OCA2: variants seen among roughly 807,000 people sequenced by gnomAD.
The protein encoded by OCA2 is P protein.
OCA2 carries 77 observed loss-of-function variants against 100.2 expected under a neutral mutation model. The observed-to-expected ratio is 0.77, with a 90% CI of 0.64 to 0.93. The LOEUF is 0.93. Among genes scored for constraint, OCA2 ranks in the 40% least tolerant of loss-of-function variants. The pLI, the probability that OCA2 is intolerant of heterozygous loss-of-function variation, is 0.00. For synonymous variants in OCA2, 432 were observed against 439.2 expected, an observed-to-expected ratio of 0.98 and a Z score of 0.21; for missense variants, 1,062 against 1,089.1, an observed-to-expected ratio of 0.98 and a Z score of 0.35.
intron 19 of OCA2, among the ~76,000 whole-genome samples, chr15:27,881,302 G>T (rs907855272): frequency 6.6e-6 from 1 of 150,824 alleles, no homozygotes; most frequent in African/African-American, 2.5e-5. Context: ...TTTCATCAGG[G>T]ATATTGGCCT....
intron 6 of OCA2, among the ~76,000 whole-genome samples, chr15:28,019,097 A>G (rs2042502950): frequency 6.6e-6 from 1 of 152,122 alleles, no homozygotes; most frequent in Admixed American, 6.5e-5. Context: ...GTGGGGAAAC[A>G]GTGTTTTCTC....
At chr15:27,935,944 C>G (rs991529631) in intron 18 of OCA2, among the ~76,000 whole-genome samples, 1 of 152,180 alleles carries the variant, frequency 6.6e-6, no homozygotes, top group Non-Finnish European at 1.5e-5. Context: ...CAGGATGCAT[C>G]TCCAGAGAGT....
At chr15:27,841,121 T>G (rs947791033) in intron 23 of OCA2, among the ~76,000 whole-genome samples, 2 of 152,138 alleles carry the variant, frequency 1.3e-5, no homozygotes, top group African/African-American at 4.8e-5. Flanking sequence ...TACCATGGAG[T>G]GCAATGCAAA....
chr15:27,850,516 A>G (rs2035708322), intron 22 of OCA2, among the ~76,000 whole-genome samples: 1 of 151,994 alleles, frequency 6.6e-6, no homozygotes, highest in South Asian at 2.1e-4. Flanking sequence ...TCAGCACTCA[A>G]TTTCAACAAG....
At position 27,942,917 on chromosome 15, in the gene OCA2, G is replaced by C. The variant is rs574716225; in HGVS notation, c.1951+8867C>G. On this transcript the variant is annotated intron_variant, in intron 18 of 23. Transcript: ENST00000354638. ...CTCTTGGATATTTACATTCATCTAA[G>C]ATGAATATTTGATGAAAATTAGAAT... Among the ~76,000 whole-genome samples the C allele has an allele frequency of 5.3e-5, 8 of 152,134 alleles. No individual in the cohort carries two copies. The East Asian group carries it at 1.5e-3, about 29-fold the overall frequency.
At chr15:28,032,033 C>CT in intron 3 of OCA2, 32 bp downstream of exon 3, 3 of 1,549,566 alleles carry the variant, frequency 1.9e-6, no homozygotes, top group Non-Finnish European at 2.7e-6. Context: ...CTCAGAAACT[C>CT]TTACTTTCAT....
intron 19 of OCA2, among the ~76,000 whole-genome samples, chr15:27,924,911 G>C (rs2038990552): frequency 6.6e-6 from 1 of 152,122 alleles, no homozygotes; most frequent in South Asian, 2.1e-4. Context: ...GATAAGTCAT[G>C]CAAACAGTAA....
chr15:27,963,111 T>C (rs1034378091), intron 15 of OCA2, among the ~76,000 whole-genome samples: 5 of 152,170 alleles, frequency 3.3e-5, no homozygotes, highest in Admixed American at 6.5e-5. Flanking sequence ...TGTGCCCTAA[T>C]AGTAAACTTT....
At chr15:27,796,577 C>T (rs1461857982) in intron 23 of OCA2, among the ~76,000 whole-genome samples, 2 of 151,956 alleles carry the variant, frequency 1.3e-5, no homozygotes, top group Non-Finnish European at 2.9e-5. Flanking sequence ...ACAGGTGTAA[C>T]AGGTCTAAGC....
chr15:28,033,929 T>C (rs2042977812), intron 2 of OCA2, among the ~76,000 whole-genome samples: 2 of 151,936 alleles, frequency 1.3e-5, no homozygotes, highest in African/African-American at 4.8e-5. Context: ...GGGAGCTGAG[T>C]GTTACGGAGA....
At chr15:27,879,244 C>T (rs921027969) in intron 19 of OCA2, among the ~76,000 whole-genome samples, 1 of 152,112 alleles carries the variant, frequency 6.6e-6, no homozygotes, top group Non-Finnish European at 1.5e-5. Flanking sequence ...TTTTCTTTAT[C>T]CAGGCTATCA....
At chr15:27,723,087 C>T in the OCA2 span, among the ~76,000 whole-genome samples, 2 of 151,994 alleles carry the variant, frequency 1.3e-5, no homozygotes, top group Admixed American at 6.6e-5. Flanking sequence ...AGGTGATCCG[C>T]CCGCCTCACC....
At chr15:28,059,829 C>T (rs371227854) in intron 2 of OCA2, among the ~76,000 whole-genome samples, 1 of 152,176 alleles carries the variant, frequency 6.6e-6, no homozygotes, top group African/African-American at 2.4e-5. Context: ...TATAACCGGC[C>T]GCTAGTCCCC....
intron 23 of OCA2, among the ~76,000 whole-genome samples, chr15:27,828,893 G>T (rs1216183594): frequency 2.6e-5 from 4 of 152,140 alleles, no homozygotes; most frequent in African/African-American, 9.7e-5. Context: ...GGGCTCTGCC[G>T]CCCTCTCAAG....
the OCA2 span, among the ~76,000 whole-genome samples, chr15:27,726,212 C>T: frequency 6.6e-6 from 1 of 151,946 alleles, no homozygotes; most frequent in Non-Finnish European, 1.5e-5. Flanking sequence ...GCAGGAGAAT[C>T]GCTCTAATCT....
At chr15:27,847,348 C>T (rs1567018828) in intron 22 of OCA2, among the ~76,000 whole-genome samples, 1 of 152,226 alleles carries the variant, frequency 6.6e-6, no homozygotes, top group African/African-American at 2.4e-5. Context: ...CGGCCTCTCC[C>T]TCCCCTCACA....
At chr15:28,083,482 T>C (rs1163939824) in intron 1 of OCA2, among the ~76,000 whole-genome samples, 1 of 152,178 alleles carries the variant, frequency 6.6e-6, no homozygotes, top group African/African-American at 2.4e-5. Flanking sequence ...AAAAGTGAGA[T>C]AAAACAGTTG....
intron 23 of OCA2, among the ~76,000 whole-genome samples, chr15:27,761,369 G>C (rs2030823089): frequency 6.6e-6 from 1 of 151,216 alleles, no homozygotes; most frequent in Non-Finnish European, 1.5e-5. Flanking sequence ...TAAACACTTA[G>C]GCATAAACTT....
intron 14 of OCA2, among the ~76,000 whole-genome samples, chr15:27,972,410 T>C (rs1350007824): frequency 1.3e-5 from 2 of 152,254 alleles, no homozygotes; most frequent in East Asian, 1.9e-4. Context: ...TTTTAGTTCA[T>C]TGAGAAATCT....
Sources: gnomAD v4.1 joint callset for allele counts (sites outside exome capture counted in the v4.1 genomes callset) on GRCh38, gnomAD v4.1.1 for gene constraint, MANE v1.5 for transcripts, NCBI Gene and HGNC (gene_info 2026-07-23, HGNC 2026-07-21) for gene names.